CCSER1: variants seen among roughly 807,000 people sequenced by gnomAD.
CCSER1 encodes serine-rich coiled-coil domain-containing protein 1.
A neutral mutation model predicts 82.0 loss-of-function variants in CCSER1; 41 were observed. The ratio of observed to expected loss-of-function variants is 0.50; its 90% CI spans 0.39 to 0.65. CCSER1 has a LOEUF of 0.65. Ranked by LOEUF, CCSER1 falls within the 30% of genes least tolerant of loss-of-function variation. CCSER1 has a pLI of 0.00. For synonymous variants in CCSER1, 414 were observed against 383.9 expected, an observed-to-expected ratio of 1.08 and a Z score of -0.92; for missense variants, 1,119 against 1,064.2, an observed-to-expected ratio of 1.05 and a Z score of -0.72.
chr4:91,452,963 G>T (rs887876854), intron 10 of CCSER1, among the ~76,000 whole-genome samples: 1 of 151,904 alleles, frequency 6.6e-6, no homozygotes, highest in Non-Finnish European at 1.5e-5. Flanking sequence ...TCAAGACTTC[G>T]CATATCAAGT....
intron 8 of CCSER1, among the ~76,000 whole-genome samples, chr4:90,899,126 G>A (rs554294231): frequency 8.5e-5 from 13 of 152,086 alleles, no homozygotes; most frequent in African/African-American, 2.6e-4. Context: ...TCTTTCACCA[G>A]TGTATTGTAG....
At chr4:90,418,119 G>T (rs536574637) in intron 4 of CCSER1, among the ~76,000 whole-genome samples, 5 of 152,170 alleles carry the variant, frequency 3.3e-5, no homozygotes, top group Non-Finnish European at 5.9e-5. Context: ...ATCTTTTGCA[G>T]CTTTTCTTCT....
At chr4:91,162,572 G>A (rs1731538555) in intron 10 of CCSER1, among the ~76,000 whole-genome samples, 1 of 152,060 alleles carries the variant, frequency 6.6e-6, no homozygotes, top group Non-Finnish European at 1.5e-5. Context: ...GACTTTTTTT[G>A]GTTGCTAGGC....
chr4:90,933,020 GAAAGAAAGAAA>G (rs1730335451), intron 9 of CCSER1, among the ~76,000 whole-genome samples: 2 of 87,146 alleles, frequency 2.3e-5, no homozygotes, highest in Non-Finnish European at 4.3e-5. Context: ...AAGAAAGAAA[GAAAGAAAGAAA>G]GAAAGAAAGA....
intron 3 of CCSER1, among the ~76,000 whole-genome samples, chr4:90,360,209 G>T (rs1295969930): frequency 6.8e-6 from 1 of 147,226 alleles, no homozygotes; most frequent in Non-Finnish European, 1.5e-5. Context: ...GAGCCACCGC[G>T]CCCGGCCACA....
At chr4:90,850,191 G>T (rs765365144) in intron 8 of CCSER1, among the ~76,000 whole-genome samples, 2 of 152,188 alleles carry the variant, frequency 1.3e-5, no homozygotes, top group Non-Finnish European at 2.9e-5. Context: ...GGGAACCTCT[G>T]CCTAGATTTC....
At chr4:91,140,113 A>G (rs1218138176) in intron 10 of CCSER1, among the ~76,000 whole-genome samples, 1 of 152,082 alleles carries the variant, frequency 6.6e-6, no homozygotes, top group Non-Finnish European at 1.5e-5. Context: ...ATTATTAGGA[A>G]TAAAGGTAGA....
chr4:90,726,880 C>T (rs1743736065), intron 7 of CCSER1, among the ~76,000 whole-genome samples: 2 of 152,096 alleles, frequency 1.3e-5, no homozygotes, highest in Non-Finnish European at 2.9e-5. Context: ...AAGGCTTTCT[C>T]CATCTAGACA....
chr4:90,776,911 T>C (rs1752964651), intron 7 of CCSER1, among the ~76,000 whole-genome samples: 1 of 152,192 alleles, frequency 6.6e-6, no homozygotes, highest in Non-Finnish European at 1.5e-5. Flanking sequence ...TTAGTTAACT[T>C]CATCCTCTCC....
intron 5 of CCSER1, among the ~76,000 whole-genome samples, chr4:90,487,211 C>T (rs560117198): frequency 5.3e-5 from 8 of 152,284 alleles, no homozygotes; most frequent in Admixed American, 6.5e-5. Flanking sequence ...TGGTCCCGGC[C>T]GTCTCTATTT....
Position 90,308,429 on chromosome 4 carries a change from A to T in CCSER1, c.145A>T (p.Thr49Ser). The T allele has an allele frequency of 6.2e-7, 1 of 1,613,860 alleles. No homozygotes were observed. The highest frequency in any genetic ancestry group is 8.5e-7 in the Non-Finnish European group (1 of 1,179,834). The part of the protein sequence containing the change: ...VGVHSSSPSS[T>S]NSSSGSTGKR... Reference sequence around the variant, plus strand: ...TGTCCACAGTTCCTCTCCTTCCAGCACTAACTCAAGCTCAGGTAGCACAGG... The same window carrying T: ...TGTCCACAGTTCCTCTCCTTCCAGCTCTAACTCAAGCTCAGGTAGCACAGG... Residue 49 changes from threonine to serine, a missense_variant, in exon 2 of 11, where the codon ACT becomes TCT. Thr to Ser is a moderately conservative substitution (Grantham distance 58, BLOSUM62 1). Coordinates refer to ENST00000509176, the MANE Select transcript of CCSER1 (RefSeq NM_001145065.2).
intron 1 of CCSER1, among the ~76,000 whole-genome samples, chr4:90,134,167 G>A (rs1723270064): frequency 6.6e-6 from 1 of 152,144 alleles, no homozygotes; most frequent in Non-Finnish European, 1.5e-5. Context: ...TGAGGAAACC[G>A]AGTCTCTGTT....
At chr4:90,455,638 C>T (rs1393214070) in intron 4 of CCSER1, among the ~76,000 whole-genome samples, 2 of 152,188 alleles carry the variant, frequency 1.3e-5, no homozygotes, top group Admixed American at 6.5e-5. Context: ...CCTAAATCCC[C>T]GTGATCTTTG....
intron 8 of CCSER1, among the ~76,000 whole-genome samples, chr4:90,920,544 C>G (rs74554767): frequency 6.6e-6 from 1 of 151,858 alleles, no homozygotes; most frequent in African/African-American, 2.4e-5. Flanking sequence ...TCACTCAGTT[C>G]CACTTCAAAT....
chr4:90,672,527 A>G (rs1051054734), intron 6 of CCSER1, among the ~76,000 whole-genome samples: 1 of 152,112 alleles, frequency 6.6e-6, no homozygotes, highest in East Asian at 1.9e-4. Flanking sequence ...TGAGATCACA[A>G]CTTTTTCTGC....
At chr4:90,319,607 G>T (rs559793616) in intron 3 of CCSER1, among the ~76,000 whole-genome samples, 2 of 151,314 alleles carry the variant, frequency 1.3e-5, no homozygotes, top group African/African-American at 2.4e-5. Flanking sequence ...AGCCGAGATC[G>T]CGCCACTGCA....
At chr4:90,222,165 G>A (rs1002692649) in intron 1 of CCSER1, among the ~76,000 whole-genome samples, 6 of 152,226 alleles carry the variant, frequency 3.9e-5, no homozygotes, top group East Asian at 1.9e-4. Flanking sequence ...ACAGGGTCCC[G>A]TATTTGGAGA....
At chr4:90,724,972 T>G (rs921971088) in intron 7 of CCSER1, 2 of 430,882 alleles carry the variant, frequency 4.6e-6, no homozygotes, top group African/African-American at 4.1e-5. Flanking sequence ...GAGTATTTAG[T>G]TTTCTAATTA....
At chr4:91,443,051 G>A (rs1427320377) in intron 10 of CCSER1, among the ~76,000 whole-genome samples, 1 of 151,998 alleles carries the variant, frequency 6.6e-6, no homozygotes, top group Admixed American at 6.6e-5. Context: ...CAACCATTGT[G>A]GAAGTCAGTG....
Sources: allele counts gnomAD v4.1 joint callset (sites outside exome capture counted in the v4.1 genomes callset), GRCh38; gene constraint gnomAD v4.1.1; transcripts MANE v1.5; gene names NCBI Gene and HGNC (gene_info 2026-07-23, HGNC 2026-07-21).